Variants in GFRA1 observed in about 807,000 individuals in gnomAD.
GFRA1 encodes the protein GDNF family receptor alpha-1.
In GFRA1, 16 loss-of-function variants were observed where a neutral mutation model predicts 51.6. The ratio of observed to expected loss-of-function variants is 0.31; its 90% CI spans 0.21 to 0.47. The LOEUF (loss-of-function observed/expected upper bound fraction) is 0.47, where lower values mean the gene tolerates loss of function less well. Among genes scored for constraint, GFRA1 ranks in the 20% least tolerant of loss-of-function variants. GFRA1 has a pLI of 1.00. For missense variants in GFRA1, 530 were observed against 594.3 expected (o/e 0.89, Z 1.13); for synonymous variants, 270 against 241.3 (o/e 1.12, Z -1.10).
rs367974185 is a variant in GFRA1, at chr10:116,081,256, T to C, written c.1197+8485A>G. Among the ~76,000 whole-genome samples, 46 of 152,284 alleles carry C rather than the reference T, an allele frequency of 3.0e-4. 1 individual carries two copies. In the East Asian group the frequency reaches 5.0e-3, roughly 17 times the overall value. Reference sequence around the variant, plus strand: ...GCCGTCTTGTTGGGGACCACGGCCATAACCTGTGGAGTCTGACACCCTGAG... The same window carrying C: ...GCCGTCTTGTTGGGGACCACGGCCACAACCTGTGGAGTCTGACACCCTGAG... On this transcript the variant is annotated intron_variant, in intron 9 of 10. Transcript: ENST00000355422.
At chr10:116,124,160 C>T (rs1957756965) in intron 6 of GFRA1, among the ~76,000 whole-genome samples, 1 of 152,178 alleles carries the variant, frequency 6.6e-6, no homozygotes, top group Admixed American at 6.5e-5. Flanking sequence ...CTGCCTCAGC[C>T]TCCCAAAGCG....
intron 5 of GFRA1, among the ~76,000 whole-genome samples, chr10:116,198,510 C>T (rs142608958): frequency 2.0e-4 from 31 of 152,244 alleles, no homozygotes; most frequent in Non-Finnish European, 3.4e-4. Context: ...ATTTAATTTC[C>T]GATATTTACA....
upstream of GFRA1, among the ~76,000 whole-genome samples, chr10:116,273,764 G>A (rs1224028742): frequency 5.9e-5 from 9 of 152,024 alleles, no homozygotes; most frequent in African/African-American, 2.2e-4. Flanking sequence ...GGGCAATCGA[G>A]CCAGACCCTT....
At position 116,208,628 on chromosome 10, in the gene GFRA1, G is replaced by A. The variant is rs574868547; in HGVS notation, c.433+3003C>T. Reference sequence around the variant, plus strand: ...CAGCGCAGGGAGAATTAACTAAATGGTGAAATCTTTATACCGCGCCCACTT... The same window carrying A: ...CAGCGCAGGGAGAATTAACTAAATGATGAAATCTTTATACCGCGCCCACTT... On this transcript the variant is annotated intron_variant, in intron 5 of 10. Transcript: ENST00000355422. 3.1e-4 allele frequency among the ~76,000 whole-genome samples: 47 copies of A among 152,260 alleles called. No individual in the cohort carries two copies. In the Middle Eastern group the frequency reaches 0.02, roughly 66 times the overall value.
intron 5 of GFRA1, among the ~76,000 whole-genome samples, chr10:116,152,693 C>T (rs10787629): frequency 0.23 from 34,769 of 152,068 alleles, 4,617 homozygotes; most frequent in African/African-American, 0.37. Context: ...TATCACATGC[C>T]CTCAGCAGCA....
intron 5 of GFRA1, among the ~76,000 whole-genome samples, chr10:116,180,035 G>T (rs886068591): frequency 2.0e-5 from 3 of 152,214 alleles, no homozygotes; most frequent in African/African-American, 7.2e-5. Flanking sequence ...CCGGCAATCC[G>T]CAATTTGTCA....
rs539110541 is a variant in GFRA1, at chr10:116,075,976, A to C, written c.1198-10350T>G. ...AGCCAAGATGGTCTCGATCTCCTGA[A>C]CTCGTGATCCACCCACCTCGGCCTC... On this transcript the variant is annotated intron_variant, in intron 9 of 10. Coordinates refer to ENST00000355422, the MANE Select transcript of GFRA1 (RefSeq NM_005264.8). Among the ~76,000 whole-genome samples the C allele has an allele frequency of 6.7e-5, 10 of 149,134 alleles. No individual in the cohort carries two copies. The East Asian group carries it at 1.8e-3, about 26-fold the overall frequency.
At chr10:116,115,305 C>G (rs1957369856) in intron 6 of GFRA1, among the ~76,000 whole-genome samples, 1 of 152,036 alleles carries the variant, frequency 6.6e-6, no homozygotes, top group African/African-American at 2.4e-5. Flanking sequence ...CTAAGCCTGG[C>G]TGTGAGACCC....
chr10:116,092,746 C>T (rs1956404642), intron 8 of GFRA1, among the ~76,000 whole-genome samples: 1 of 152,146 alleles, frequency 6.6e-6, no homozygotes, highest in African/African-American at 2.4e-5. Context: ...GATAAAACCA[C>T]CTATGTCTAT....
Position 116,267,412 on chromosome 10 carries a change from G to A in GFRA1, c.418+2091C>T, listed in dbSNP as rs548156378. On this transcript the variant is annotated intron_variant, in intron 4 of 10. Transcript: ENST00000355422. ...ACACGGGAGGCAAAGGTAGCATTGC[G>A]CCGAGATCATGCCACTGCACTCCAG... 6.6e-5 allele frequency among the ~76,000 whole-genome samples: 10 copies of A among 151,918 alleles called. No homozygotes were observed. In the East Asian group the frequency reaches 1.2e-3, roughly 18 times the overall value.
At chr10:116,100,893 G>A (rs1184357715) in intron 6 of GFRA1, among the ~76,000 whole-genome samples, 9 of 152,250 alleles carry the variant, frequency 5.9e-5, no homozygotes, top group African/African-American at 2.2e-4. Flanking sequence ...CAAAACTTCG[G>A]ACTGGAGGGG....
intron 5 of GFRA1, among the ~76,000 whole-genome samples, chr10:116,134,873 T>C (rs572943192): frequency 1.3e-5 from 2 of 152,294 alleles, no homozygotes; most frequent in South Asian, 2.1e-4. Context: ...GTGCAAACCT[T>C]AAAAAATTGG....
intron 5 of GFRA1, among the ~76,000 whole-genome samples, chr10:116,187,878 T>G (rs1398084664): frequency 6.6e-6 from 1 of 152,086 alleles, no homozygotes; most frequent in Non-Finnish European, 1.5e-5. Flanking sequence ...AGCAGAGCCC[T>G]GGCCAGGGCT....
Position 116,089,768 on chromosome 10 carries a change from A to C in GFRA1, c.1170T>G (p.His390Gln). 6.2e-7 allele frequency: 1 copy of C among 1,614,152 alleles called. No individual in the cohort carries two copies. The highest frequency in any genetic ancestry group is 8.5e-7 in the Non-Finnish European group (1 of 1,180,028). Reference protein sequence around the residue: ...PAGSENEIPTHVLPPCANLQA... With the variant: ...PAGSENEIPTQVLPPCANLQA... ...GTAAATTTGCACACGGTGGCAAAAC[A>C]TGAGTGGGAATTTCATTCTCAGACC... Residue 390 changes from histidine (H) to glutamine (Q), a missense_variant, in exon 9 of 11, where the codon CAT becomes CAG. By Grantham distance (24) the His-to-Gln change is conservative. Transcript: ENST00000355422.
intron 5 of GFRA1, among the ~76,000 whole-genome samples, chr10:116,174,876 CT>C (rs2134243902): frequency 6.6e-6 from 1 of 152,256 alleles, no homozygotes; most frequent in East Asian, 1.9e-4. Context: ...AGAATTGGCT[CT>C]GAGTGAGCTA....
At chr10:116,090,767 A>C (rs1216598558) in intron 8 of GFRA1, among the ~76,000 whole-genome samples, 5 of 152,118 alleles carry the variant, frequency 3.3e-5, no homozygotes, top group Middle Eastern at 3.4e-3. Flanking sequence ...AAAAAACCAA[A>C]CTCCTCCATT....
intron 5 of GFRA1, among the ~76,000 whole-genome samples, chr10:116,142,656 T>C (rs1490748285): frequency 6.6e-6 from 1 of 152,242 alleles, no homozygotes; most frequent in Non-Finnish European, 1.5e-5. Flanking sequence ...CCCTTTGATA[T>C]ATACTTAAAG....
At chr10:116,207,868 C>T (rs1002293417) in intron 5 of GFRA1, among the ~76,000 whole-genome samples, 5 of 152,008 alleles carry the variant, frequency 3.3e-5, no homozygotes, top group African/African-American at 7.2e-5. Flanking sequence ...TCTCACTGCC[C>T]GAGACAGCAG....
chr10:116,252,383 G>A (rs1332822305), intron 4 of GFRA1, among the ~76,000 whole-genome samples: 1 of 152,276 alleles, frequency 6.6e-6, no homozygotes, highest in Admixed American at 6.5e-5. Context: ...CCTTCAGGTG[G>A]TAGGAACAGG....
Sources: allele counts gnomAD v4.1 joint callset (sites outside exome capture counted in the v4.1 genomes callset), GRCh38; gene constraint gnomAD v4.1.1; transcripts MANE v1.5; gene names NCBI Gene and HGNC (gene_info 2026-07-23, HGNC 2026-07-21).